Variants in IL3RA observed in about 807,000 individuals in gnomAD.
The protein encoded by IL3RA is interleukin 3 receptor subunit alpha.
In IL3RA, 73 loss-of-function variants were observed where a neutral mutation model predicts 52.3. The observed-to-expected ratio is 1.40, with a 90% CI of 1.16 to 1.70. The LOEUF (loss-of-function observed/expected upper bound fraction) is 1.70, where lower values mean the gene tolerates loss of function less well. Ranked by LOEUF, IL3RA falls within the 40% of genes most tolerant of loss-of-function variation. The pLI, the probability that IL3RA is intolerant of heterozygous loss-of-function variation, is 0.00. For missense variants in IL3RA, 664 were observed against 504.4 expected, an observed-to-expected ratio of 1.32 and a Z score of -3.03; for synonymous variants, 260 against 194.0, an observed-to-expected ratio of 1.34 and a Z score of -2.83.
Position 1,343,623 on chromosome X carries a change from C to T in IL3RA, c.65-1693C>T, listed in dbSNP as rs775040858. Among the ~76,000 whole-genome samples, 10 of 141,812 alleles carry T rather than the reference C, an allele frequency of 7.1e-5. No individual in the cohort carries two copies. In the South Asian group the frequency reaches 1.4e-3, roughly 20 times the overall value. The allele number at this position is 141,812 out of a possible 152,430, so 93.0% of individuals were successfully genotyped here. A position where few individuals can be genotyped will look rare whatever the true frequency, so the allele number is the denominator to read the frequency against. Reference sequence around the variant, plus strand: ...CGGAGGTTGCCGTGAGCCAAGATCACGCCATTGCACTCCAACCTGGGTGAC... The same window carrying T: ...CGGAGGTTGCCGTGAGCCAAGATCATGCCATTGCACTCCAACCTGGGTGAC... On this transcript the variant is annotated intron_variant, in intron 2 of 11. Transcript: ENST00000331035.
chrX:1,382,038 C>T (rs1453959135), intron 11 of IL3RA, among the ~76,000 whole-genome samples: 3 of 151,794 alleles, frequency 2.0e-5, no homozygotes, highest in Admixed American at 6.6e-5. Flanking sequence ...TCCACCTTCC[C>T]GGTTGAAGGT....
intron 9 of IL3RA, among the ~76,000 whole-genome samples, chrX:1,377,141 C>A (rs1198260846): frequency 2.0e-5 from 3 of 152,204 alleles, no homozygotes; most frequent in Admixed American, 2.0e-4. Context: ...GGAGAGAGGC[C>A]TCAGGAGGAA....
At position 1,352,213 on chromosome X, in the gene IL3RA, C is replaced by G. The variant is rs747253424; in HGVS notation, c.412C>G (p.Leu138Val). The G allele has an allele frequency of 6.2e-7, 1 of 1,613,632 alleles. No homozygotes were observed. The highest frequency in any genetic ancestry group is 1.1e-5 in the South Asian group (1 of 91,074). ...GGCCCCCGCGGACGTCCAGTACGAC[C>G]TGTACTTGAACGTTGCCAAGTAGGT... The part of the protein sequence containing the change: ...PGAPADVQYD[L>V]YLNVANRRQQ... The change falls in exon 5 of 12, where the codon CTG becomes GTG. Residue 138 changes from leucine (L) to valine (V), a missense_variant. By Grantham distance (32) the Leu-to-Val change is conservative. Coordinates refer to ENST00000331035, the MANE Select transcript of IL3RA (RefSeq NM_002183.4).
intron 2 of IL3RA, among the ~76,000 whole-genome samples, chrX:1,344,503 G>A (rs2085639929): frequency 6.6e-6 from 1 of 151,474 alleles, no homozygotes; most frequent in Non-Finnish European, 1.5e-5. Flanking sequence ...AACTGGGCAT[G>A]GTGGCTCATG....
chrX:1,358,756 T>C, intron 7 of IL3RA, 105 bp from the exon 8 acceptor site: 2 of 1,254,408 alleles, frequency 1.6e-6, no homozygotes, highest in East Asian at 4.7e-5. Context: ...CCCAGAGCCC[T>C]CACTGTTTTG....
rs367761204 is a variant in IL3RA at position 1,344,914 on chromosome X, G to A, written c.65-402G>A. ...GCGGTGGCTCATGCCTGTAATCCCAGCACTTTGGGAGGCTGAGGCGGACGA... is the reference window on the plus strand; with the variant it reads ...GCGGTGGCTCATGCCTGTAATCCCAACACTTTGGGAGGCTGAGGCGGACGA... On this transcript the variant is annotated intron_variant, in intron 2 of 11. Transcript: ENST00000331035. 2.3e-3 allele frequency among the ~76,000 whole-genome samples: 342 copies of A among 150,110 alleles called. 3 individuals carry two copies. The highest frequency in any genetic ancestry group is 8.1e-3 in the African/African-American group (329 of 40,832).
At position 1,346,946 on chromosome X, in the gene IL3RA, T is replaced by G. The variant is rs774926305; in HGVS notation, c.184-1485T>G. Among the ~76,000 whole-genome samples, 5 of 151,430 alleles carry G rather than the reference T, an allele frequency of 3.3e-5. No homozygotes were observed. In the South Asian group the frequency reaches 1.0e-3, roughly 31 times the overall value. On this transcript the variant is annotated intron_variant, in intron 3 of 11. Coordinates refer to ENST00000331035, the MANE Select transcript of IL3RA (RefSeq NM_002183.4). ...CTCCAAATACAGTCCCATTGAACTT[T>G]GTGATTTTGGAGAGTAGAGATAAAA...
At position 1,382,683 on chromosome X, in the gene IL3RA, T is replaced by A; in HGVS notation, c.*218T>A. The A allele has an allele frequency of 3.4e-6, 2 of 585,316 alleles. No individual in the cohort carries two copies. The highest frequency in any genetic ancestry group is 3.1e-6 in the Non-Finnish European group (1 of 321,334). The allele number at this position is 585,316 out of a possible 1,614,324, so 36.3% of individuals were successfully genotyped here. ...CATGATAAAGTGATTTTTTTTTTTTTAACCCACTCACTGGTCCCGGTCTCT... is the reference window on the plus strand; with the variant it reads ...CATGATAAAGTGATTTTTTTTTTTTAAACCCACTCACTGGTCCCGGTCTCT... On this transcript the variant is annotated 3_prime_UTR_variant, in exon 12 of 12. Coordinates refer to ENST00000331035, the MANE Select transcript of IL3RA (RefSeq NM_002183.4).
intron 5 of IL3RA, 41 bp downstream of exon 5, chrX:1,352,273 C>T (rs758461410): frequency 8.7e-6 from 14 of 1,612,884 alleles, no homozygotes; most frequent in Non-Finnish European, 1.0e-5. Context: ...GTCCCTGGTG[C>T]GGGTGCCATC....
intron 9 of IL3RA, among the ~76,000 whole-genome samples, chrX:1,368,497 A>G (rs2088357496): frequency 6.6e-6 from 1 of 152,098 alleles, no homozygotes; most frequent in Non-Finnish European, 1.5e-5. Flanking sequence ...GAGGCAGGAG[A>G]ATCGCTTGAA....
At position 1,336,938 on chromosome X, in the gene IL3RA, C is replaced by T. The variant is rs6607439; in HGVS notation, c.-39+12C>T. ...GATCTCCATTTAAGGTAAGGTCCCCCCTCCAGGGTGGGATGAGGGAAAAAG... is the reference window on the plus strand; with the variant it reads ...GATCTCCATTTAAGGTAAGGTCCCCTCTCCAGGGTGGGATGAGGGAAAAAG... On this transcript the variant is annotated intron_variant, in intron 1 of 11. Transcript: ENST00000331035. 0.26 allele frequency: 38,873 copies of T among 152,106 alleles called. 5,295 individuals carry two copies. Among genetic ancestry groups the T allele is most frequent in the African/African-American group, 0.34 (14,052 of 41,498 alleles). 9.4% of individuals were successfully genotyped at this position (152,106 alleles called of 1,614,324 possible). A position where few individuals can be genotyped will look rare whatever the true frequency, so the allele number is the denominator to read the frequency against.
chrX:1,344,677 G>A (rs766912891), intron 2 of IL3RA, among the ~76,000 whole-genome samples: 15 of 147,320 alleles, frequency 1.0e-4, no homozygotes, highest in African/African-American at 3.8e-4. Flanking sequence ...GGAGGCTGAG[G>A]CAGGAGAATC....
At chrX:1,382,252 A>G (rs1184007644) in intron 11 of IL3RA, 139 bp from the exon 12 acceptor site, 14 of 806,394 alleles carry the variant, frequency 1.7e-5, no homozygotes, top group Non-Finnish European at 2.3e-5. Flanking sequence ...CCTGGCCCAA[A>G]GTGCTGGGAT....
chrX:1,378,100 C>T (rs1302659017), intron 9 of IL3RA, among the ~76,000 whole-genome samples: 7 of 149,252 alleles, frequency 4.7e-5, no homozygotes, highest in Non-Finnish European at 1.0e-4. Flanking sequence ...GCAGGAGAAT[C>T]GCTTGAACCT....
intron 3 of IL3RA, 84 bp downstream of exon 3, chrX:1,345,518 C>G: frequency 4.2e-6 from 4 of 958,642 alleles, no homozygotes; most frequent in Non-Finnish European, 4.3e-6. Context: ...GAGACGGAGT[C>G]TTGCTCTGTC....
rs182686676 is a variant in IL3RA, at chrX:1,377,879, A to C, written c.875-780A>C. 4.4e-3 allele frequency among the ~76,000 whole-genome samples: 611 copies of C among 138,284 alleles called. 3 individuals are homozygous for C. Among genetic ancestry groups the C allele is most frequent in the Non-Finnish European group, 6.9e-3 (467 of 67,624 alleles). 90.7% of individuals were successfully genotyped at this position (138,284 alleles called of 152,430 possible). ...CAGAGCGAGACTCTGTCTCAAAAAA[A>C]AAAAAAAGAAAAAAGAAAAAAAATA... is the stretch of plus-strand genomic sequence containing the variant. On this transcript the variant is annotated intron_variant, in intron 9 of 11. Coordinates refer to ENST00000331035, the MANE Select transcript of IL3RA (RefSeq NM_002183.4).
rs17883402 is a variant in IL3RA, at chrX:1,352,570, C to T, written c.616+64C>T. 3,843 of 1,522,472 alleles carry T rather than the reference C, an allele frequency of 2.5e-3. 98 individuals carry two copies. In the African/African-American group the frequency reaches 0.048, roughly 19 times the overall value. 94.3% of individuals were successfully genotyped at this position (1,522,472 alleles called of 1,614,324 possible). A position where few individuals can be genotyped will look rare whatever the true frequency, so the allele number is the denominator to read the frequency against. ...GTGATACCACGGCTTTAGCGCCAGGCCAGATCCCACGGGACCACGTGGCTC... is the reference window on the plus strand; with the variant it reads ...GTGATACCACGGCTTTAGCGCCAGGTCAGATCCCACGGGACCACGTGGCTC... On this transcript the variant is annotated intron_variant, in intron 6 of 11. Coordinates refer to ENST00000331035, the MANE Select transcript of IL3RA (RefSeq NM_002183.4).
At chrX:1,348,622 G>C (rs1399242631) in intron 4 of IL3RA, 77 bp downstream of exon 4, 5 of 941,252 alleles carry the variant, frequency 5.3e-6, no homozygotes, top group Non-Finnish European at 8.4e-6. Context: ...CGCCTTCGCT[G>C]TGTCTTTTTT....
intron 9 of IL3RA, among the ~76,000 whole-genome samples, chrX:1,368,270 A>C (rs1248624209): frequency 1.1e-4 from 17 of 151,966 alleles, no homozygotes; most frequent in Non-Finnish European, 1.9e-4. Context: ...TCTCAACAAC[A>C]AAACAAAAGG....
Sources: gnomAD v4.1 joint callset for allele counts (sites outside exome capture counted in the v4.1 genomes callset) on GRCh38, gnomAD v4.1.1 for gene constraint, MANE v1.5 for transcripts, NCBI Gene and HGNC (gene_info 2026-07-23, HGNC 2026-07-21) for gene names.